SUGCT: variants seen among roughly 807,000 people sequenced by gnomAD.
The protein encoded by SUGCT is succinyl-CoA:glutarate-CoA transferase.
A neutral mutation model predicts 55.0 loss-of-function variants in SUGCT; 41 were observed. The observed-to-expected ratio is 0.74, with a 90% CI of 0.58 to 0.97. SUGCT has a LOEUF of 0.97. Ranked by LOEUF, SUGCT falls within the 50% of genes least tolerant of loss-of-function variation. The probability of loss-of-function intolerance (pLI) is 0.00; values close to 1 mark genes in which losing one functional copy is unlikely to be tolerated. For synonymous variants in SUGCT, 187 were observed against 200.4 expected (o/e 0.93, Z 0.56); for missense variants, 568 against 547.8 (o/e 1.04, Z -0.37).
chr7:40,487,957 T>C (rs1382819873), intron 11 of SUGCT, among the ~76,000 whole-genome samples: 2 of 151,964 alleles, frequency 1.3e-5, no homozygotes, highest in Non-Finnish European at 2.9e-5. Context: ...GAAAACCAAC[T>C]GGTTTTTCTT....
chr7:40,735,518 A>G (rs973517821), intron 12 of SUGCT, among the ~76,000 whole-genome samples: 3 of 152,182 alleles, frequency 2.0e-5, no homozygotes, highest in Non-Finnish European at 4.4e-5. Context: ...GCAGAGAAGC[A>G]AGCACTAGAA....
At chr7:40,139,685 G>T (rs993485562) in intron 1 of SUGCT, among the ~76,000 whole-genome samples, 2 of 152,100 alleles carry the variant, frequency 1.3e-5, no homozygotes, top group African/African-American at 4.8e-5. Context: ...CAGGTTATCC[G>T]TTCACTCTGT....
chr7:40,587,846 C>A (rs891487749), intron 12 of SUGCT, among the ~76,000 whole-genome samples: 1 of 151,130 alleles, frequency 6.6e-6, no homozygotes, highest in African/African-American at 2.4e-5. Context: ...AAATGGATAT[C>A]TTTTAAACAG....
intron 13 of SUGCT, among the ~76,000 whole-genome samples, chr7:40,847,411 C>CTTTTTTTTTTTT (rs981613426): frequency 3.2e-4 from 24 of 75,394 alleles, no homozygotes; most frequent in East Asian, 1.2e-3. Flanking sequence ...TTCTTTCTTT[C>CTTTTTTTTTTTT]TTTTTTTTTT....
intron 1 of SUGCT, among the ~76,000 whole-genome samples, chr7:40,179,032 G>A (rs1172926955): frequency 6.6e-6 from 1 of 151,784 alleles, no homozygotes; most frequent in Non-Finnish European, 1.5e-5. Flanking sequence ...AGTGTCAAGG[G>A]CCACAACAAG....
intron 8 of SUGCT, among the ~76,000 whole-genome samples, chr7:40,314,943 G>T (rs1470059796): frequency 6.6e-6 from 1 of 152,138 alleles, no homozygotes; most frequent in Non-Finnish European, 1.5e-5. Context: ...TTGTAAGCAC[G>T]TTGAAGATTA....
chr7:40,219,014 G>A (rs1787856711), intron 6 of SUGCT, among the ~76,000 whole-genome samples: 1 of 152,206 alleles, frequency 6.6e-6, no homozygotes. Flanking sequence ...CACTCTTTGG[G>A]TCCGCACTAC....
chr7:40,920,126 T>C, the SUGCT span, among the ~76,000 whole-genome samples: 1 of 152,152 alleles, frequency 6.6e-6, no homozygotes, highest in African/African-American at 2.4e-5. Flanking sequence ...GCTTCCATAG[T>C]CCCCTATACA....
At chr7:40,436,092 G>A (rs1488519005) in intron 9 of SUGCT, among the ~76,000 whole-genome samples, 2 of 151,484 alleles carry the variant, frequency 1.3e-5, no homozygotes, top group Non-Finnish European at 2.9e-5. Flanking sequence ...ACAGGTGCGC[G>A]CCACCACCCC....
At chr7:40,699,456 G>A (rs553919348) in intron 12 of SUGCT, among the ~76,000 whole-genome samples, 8 of 152,326 alleles carry the variant, frequency 5.3e-5, no homozygotes, top group East Asian at 1.9e-4. Context: ...CCACCCTAGA[G>A]TTGGCTTGCT....
chr7:40,171,998 T>G (rs1169625263), intron 1 of SUGCT, among the ~76,000 whole-genome samples: 1 of 152,174 alleles, frequency 6.6e-6, no homozygotes, highest in African/African-American at 2.4e-5. Flanking sequence ...CTCTTTCCCT[T>G]TTCTCTCTTT....
chr7:40,705,842 C>T (rs544435168), intron 12 of SUGCT, among the ~76,000 whole-genome samples: 1 of 152,270 alleles, frequency 6.6e-6, no homozygotes, highest in South Asian at 2.1e-4. Context: ...TCCATGGTGG[C>T]ATATCTCAGA....
chr7:40,242,945 T>A (rs1265178470), intron 7 of SUGCT, among the ~76,000 whole-genome samples: 2 of 65,346 alleles, frequency 3.1e-5, no homozygotes, highest in East Asian at 4.8e-4. Flanking sequence ...TTTTTTTTTT[T>A]TTTTTTTTTT....
chr7:40,332,443 AT>A (rs57902207), intron 9 of SUGCT, among the ~76,000 whole-genome samples: 96,778 of 139,264 alleles, frequency 0.69, 32,616 homozygotes, highest in East Asian at 0.98. Flanking sequence ...TCTGCATTGG[AT>A]TTTTTTTTTT....
chr7:40,498,254 A>C (rs917848344), intron 12 of SUGCT, among the ~76,000 whole-genome samples: 8 of 152,228 alleles, frequency 5.3e-5, no homozygotes, highest in African/African-American at 1.9e-4. Flanking sequence ...TCCAGATGAC[A>C]TCTAACTGTG....
chr7:40,502,390 T>C, intron 12 of SUGCT, among the ~76,000 whole-genome samples: 1 of 152,086 alleles, frequency 6.6e-6, no homozygotes, highest in East Asian at 1.9e-4. Flanking sequence ...TACCAGCTAA[T>C]TTTTGAAAGC....
chr7:40,156,845 G>A (rs1881684), intron 1 of SUGCT, among the ~76,000 whole-genome samples: 69,920 of 151,478 alleles, frequency 0.46, 16,350 homozygotes, highest in Middle Eastern at 0.63. Flanking sequence ...TGAAACCCCC[G>A]TCTCTACTAA....
chr7:40,902,644 A>G, the SUGCT span, among the ~76,000 whole-genome samples: 12 of 152,110 alleles, frequency 7.9e-5, no homozygotes, highest in Admixed American at 6.6e-4. Context: ...GCCTATCTAT[A>G]AAGCCATCTC....
chr7:40,812,484 C>A (rs186080051), intron 13 of SUGCT, among the ~76,000 whole-genome samples: 73 of 152,116 alleles, frequency 4.8e-4, no homozygotes, highest in Admixed American at 3.9e-4. Context: ...TATTCATTTT[C>A]TCTAGTTTTT....
Sources: allele counts gnomAD v4.1 joint callset (sites outside exome capture counted in the v4.1 genomes callset), GRCh38; gene constraint gnomAD v4.1.1; transcripts MANE v1.5; gene names NCBI Gene and HGNC (gene_info 2026-07-23, HGNC 2026-07-21).